The following TEKT1 variants were observed in gnomAD, a reference collection of about 807,000 sequenced individuals.
The protein encoded by TEKT1 is tektin 1.
In TEKT1, 32 loss-of-function variants were observed where a neutral mutation model predicts 34.8. That is an observed-to-expected ratio of 0.92 (90% CI 0.69 to 1.23). The LOEUF (loss-of-function observed/expected upper bound fraction) is 1.23. Ranked by LOEUF, TEKT1 falls within the 50% of genes most tolerant of loss-of-function variation. The probability of loss-of-function intolerance (pLI) is 0.00; values close to 1 mark genes in which losing one functional copy is unlikely to be tolerated. For missense variants in TEKT1, 492 were observed against 518.5 expected (o/e 0.95, Z 0.50); for synonymous variants, 207 against 199.8 (o/e 1.04, Z -0.30).
chr17:6,826,838 GGC>G (rs1904418240), intron 2 of TEKT1, among the ~76,000 whole-genome samples: 1 of 151,864 alleles, frequency 6.6e-6, no homozygotes, highest in Non-Finnish European at 1.5e-5. Flanking sequence ...TGGGACTACA[GGC>G]ACCCGCCACC....
rs1976929055 is a variant in TEKT1 at position 6,811,636 on chromosome 17, C to T, written c.852+1195G>A. ...GCACATCACAGAAATAAATCTTGTC[C>T]ACAACTGGACTCTGAGCTCTGGGAG... On this transcript the variant is annotated intron_variant, in intron 6 of 7. Transcript: ENST00000338694. This position sits in a 1 kb window ranked among gnomAD's most constrained non-coding sequence, Gnocchi z 4.4. 6.6e-6 allele frequency among the ~76,000 whole-genome samples: 1 copy of T among 152,072 alleles called. No individual in the cohort carries two copies. The highest frequency in any genetic ancestry group is 2.1e-4 in the South Asian group (1 of 4,818).
At chr17:6,806,145 G>A (rs1976841461) in intron 6 of TEKT1, among the ~76,000 whole-genome samples, 1 of 152,134 alleles carries the variant, frequency 6.6e-6, no homozygotes, top group Non-Finnish European at 1.5e-5. Flanking sequence ...ATGAATCTGG[G>A]TGCTCCTGTA....
intron 5 of TEKT1, 27 bp downstream of exon 5, chr17:6,815,136 A>G (rs1976985872): frequency 6.3e-7 from 1 of 1,592,452 alleles, no homozygotes; most frequent in Non-Finnish European, 8.6e-7. Flanking sequence ...GTCACCCGCG[A>G]GGAGGAAGAC....
At chr17:6,804,975 C>T (rs1976825127) in intron 6 of TEKT1, among the ~76,000 whole-genome samples, 1 of 152,122 alleles carries the variant, frequency 6.6e-6, no homozygotes, top group African/African-American at 2.4e-5. Flanking sequence ...GTGCTGGCCT[C>T]ATAAAATGAG....
chr17:6,816,067 T>A (rs949493791), intron 3 of TEKT1, 105 bp from the exon 4 acceptor site: 24 of 1,476,244 alleles, frequency 1.6e-5, no homozygotes, highest in Middle Eastern at 2.1e-4. Flanking sequence ...CTGATTTGAG[T>A]GTCACCCGAT....
chr17:6,827,881 A>G (rs1904454580), intron 2 of TEKT1, among the ~76,000 whole-genome samples: 1 of 151,332 alleles, frequency 6.6e-6, no homozygotes, highest in Admixed American at 6.6e-5. Flanking sequence ...CCATGAATCA[A>G]TGAAGGTTCA....
At chr17:6,829,192 A>T (rs1414509645) in intron 2 of TEKT1, among the ~76,000 whole-genome samples, 1 of 152,188 alleles carries the variant, frequency 6.6e-6, no homozygotes, top group African/African-American at 2.4e-5. Flanking sequence ...GGAATTGTCA[A>T]GAGAAAATGA....
At chr17:6,807,369 C>G (rs1369124114) in intron 6 of TEKT1, among the ~76,000 whole-genome samples, 1 of 152,178 alleles carries the variant, frequency 6.6e-6, no homozygotes, top group Non-Finnish European at 1.5e-5. Flanking sequence ...AGCCATTCAT[C>G]TAATTTTTTT....
At position 6,811,152 on chromosome 17, in the gene TEKT1, A is replaced by T. The variant is rs1976921797; in HGVS notation, c.852+1679T>A. On this transcript the variant is annotated intron_variant, in intron 6 of 7. Transcript: ENST00000338694. This position sits in a 1 kb window ranked among gnomAD's most constrained non-coding sequence, Gnocchi z 4.4. ...GCTCTCCCATCCTCCCTTCTGTCCT[A>T]TCTCAGATCCATCTTTCAAGGCCTA... 6.6e-6 allele frequency among the ~76,000 whole-genome samples: 1 copy of T among 151,746 alleles called. No homozygotes were observed. Among genetic ancestry groups the T allele is most frequent in the African/African-American group, 2.4e-5 (1 of 41,276 alleles).
intron 6 of TEKT1, among the ~76,000 whole-genome samples, chr17:6,801,795 C>A (rs905447737): frequency 1.3e-5 from 2 of 152,114 alleles, no homozygotes; most frequent in Admixed American, 6.6e-5. Context: ...AAATATATTT[C>A]TTCATTAAGC....
In TEKT1 at chr17:6,811,080, T is replaced by C. The variant is rs553781159; in HGVS notation, c.852+1751A>G. On this transcript the variant is annotated intron_variant, in intron 6 of 7. Transcript: ENST00000338694. This position sits in a 1 kb window ranked among gnomAD's most constrained non-coding sequence, Gnocchi z 4.4. ...TTATTGTTTTATTACCAGTATGTCTTTGTTTCTGCTCCTTAGCCTCTTCTC... is the reference window on the plus strand; with the variant it reads ...TTATTGTTTTATTACCAGTATGTCTCTGTTTCTGCTCCTTAGCCTCTTCTC... Among the ~76,000 whole-genome samples, 2 of 152,192 alleles carry C rather than the reference T, an allele frequency of 1.3e-5. No homozygotes were observed. Among genetic ancestry groups the C allele is most frequent in the East Asian group, 3.9e-4 (2 of 5,160 alleles).
chr17:6,809,568 A>G (rs537458609), intron 6 of TEKT1, among the ~76,000 whole-genome samples: 43 of 152,282 alleles, frequency 2.8e-4, no homozygotes, highest in South Asian at 2.7e-3. Flanking sequence ...AACTACATGT[A>G]TCCACTTTAC....
In TEKT1 at chr17:6,811,130, C is replaced by T. The variant is rs539234606; in HGVS notation, c.852+1701G>A. Reference sequence around the variant, plus strand: ...CTTCCTCTCTTCTCTTCTCAGTGCTCTCCCATCCTCCCTTCTGTCCTATCT... The same window carrying T: ...CTTCCTCTCTTCTCTTCTCAGTGCTTTCCCATCCTCCCTTCTGTCCTATCT... On this transcript the variant is annotated intron_variant, in intron 6 of 7. Transcript: ENST00000338694. The surrounding 1 kb of genome is among the most constrained non-coding windows in gnomAD (Gnocchi z 4.4). Among the ~76,000 whole-genome samples, 1 of 152,282 alleles carries T rather than the reference C, an allele frequency of 6.6e-6. No homozygotes were observed. Among genetic ancestry groups the T allele is most frequent in the African/African-American group, 2.4e-5 (1 of 41,578 alleles).
chr17:6,813,019 T>C lies in TEKT1; in HGVS notation c.664A>G (p.Ser222Gly), dbSNP rs1408573549. ...VSLEDWLDFS[S>G]TNVEKADKQR... ...TTGTCAGCCTTCTCCACATTGGTGC[T>C]GGAGAAGTCCAACCAGTCTTCCAGA... is the stretch of plus-strand genomic sequence containing the variant. Residue 222 changes from serine to glycine, a missense_variant, in exon 6 of 8, where the codon AGC becomes GGC. Transcript: ENST00000338694. 2 of 1,613,992 alleles carry C rather than the reference T, an allele frequency of 1.2e-6. No individual in the cohort carries two copies. The highest frequency in any genetic ancestry group is 1.7e-6 in the Non-Finnish European group (2 of 1,180,006).
intron 1 of TEKT1, 133 bp from the exon 2 acceptor site, chr17:6,830,526 G>C (rs1904547927): frequency 4.5e-6 from 3 of 664,208 alleles, no homozygotes; most frequent in Admixed American, 3.9e-5. Context: ...ATCTATCTGT[G>C]TAGCCGGCAC....
intron 5 of TEKT1, among the ~76,000 whole-genome samples, chr17:6,814,564 G>C (rs4588030): frequency 0.99 from 150,152 of 152,276 alleles, 74,037 homozygotes; most frequent in East Asian, 1. Context: ...GGAGGCCAGG[G>C]GCGGTGGCTC....
At chr17:6,827,253 GC>G (rs1167243383) in intron 2 of TEKT1, among the ~76,000 whole-genome samples, 2 of 144,354 alleles carry the variant, frequency 1.4e-5, no homozygotes, top group African/African-American at 5.3e-5. Context: ...AGATAGTTGT[GC>G]CAATTTTTTT....
rs760484695 is a variant in TEKT1, at chr17:6,815,865, G to A, written c.454C>T (p.Arg152Cys). Reference protein sequence around the residue: ...IIQGIMALLTRTLEEASEQIR... With the variant: ...IIQGIMALLTCTLEEASEQIR... ...TGCTCGGAAGCCTCCTCCAAGGTACGGGTCAGCAGAGCCATAATGCCCTGG... is the reference window on the plus strand; with the variant it reads ...TGCTCGGAAGCCTCCTCCAAGGTACAGGTCAGCAGAGCCATAATGCCCTGG... The change falls in exon 4 of 8, where the codon CGT becomes TGT. Residue 152 changes from arginine to cysteine, a missense_variant. Physicochemically the swap from Arg to Cys is radical, Grantham distance 180 (BLOSUM62 -3). Transcript: ENST00000338694. 1.9e-5 allele frequency: 30 copies of A among 1,614,054 alleles called. No individual in the cohort carries two copies. The highest frequency in any genetic ancestry group is 2.7e-5 in the African/African-American group (2 of 74,922).
rs774677143 is a variant in TEKT1, at chr17:6,800,363, A to G, written c.1050-129T>C. 1.0e-4 allele frequency: 72 copies of G among 713,508 alleles called. No homozygotes were observed. The Middle Eastern group carries it at 1.2e-3, about 12-fold the overall frequency. 44.2% of individuals were successfully genotyped at this position (713,508 alleles called of 1,614,324 possible). ...GTGCTCTTCCCCTTCCTCTCTCCTCATGAAGACAGAGATCTCACTAATTTT... is the reference window on the plus strand; with the variant it reads ...GTGCTCTTCCCCTTCCTCTCTCCTCGTGAAGACAGAGATCTCACTAATTTT... On this transcript the variant is annotated intron_variant, in intron 7 of 7. Coordinates refer to ENST00000338694, the MANE Select transcript of TEKT1 (RefSeq NM_053285.2).
Sources: gnomAD v4.1 joint callset for allele counts (sites outside exome capture counted in the v4.1 genomes callset) on GRCh38, gnomAD v4.1.1 for gene constraint, Gnocchi (gnomAD v3.1) non-coding constraint, MANE v1.5 for transcripts, NCBI Gene and HGNC (gene_info 2026-07-23, HGNC 2026-07-21) for gene names.